TASP1: variants seen among roughly 807,000 people sequenced by gnomAD.
TASP1 encodes the protein taspase 1, also known as threonine aspartase 1.
TASP1 carries 16 observed loss-of-function variants against 56.6 expected under a neutral mutation model. The ratio of observed to expected loss-of-function variants is 0.28; its 90% confidence interval spans 0.19 to 0.43. The LOEUF is 0.43. Ranked by LOEUF, TASP1 falls within the 20% of genes least tolerant of loss-of-function variation. The pLI, the probability that TASP1 is intolerant of heterozygous loss-of-function variation, is 1.00. For synonymous variants in TASP1, 179 were observed against 184.2 expected, an observed-to-expected ratio of 0.97 and a Z score of 0.23; for missense variants, 393 against 511.6, an observed-to-expected ratio of 0.77 and a Z score of 2.24.
the TASP1 span, among the ~76,000 whole-genome samples, chr20:13,356,730 A>G: frequency 6.6e-6 from 1 of 152,180 alleles, no homozygotes; most frequent in South Asian, 2.1e-4. Flanking sequence ...CCACATTGAA[A>G]GGCCTGCCTT....
At chr20:13,565,003 T>A in intron 7 of TASP1, among the ~76,000 whole-genome samples, 1 of 124,224 alleles carries the variant, frequency 8.0e-6, no homozygotes, top group Admixed American at 8.9e-5. Context: ...TAAGACTCCA[T>A]CTCAAAAAAA....
At chr20:13,606,756 G>A (rs1056500651) in intron 4 of TASP1, among the ~76,000 whole-genome samples, 5 of 146,942 alleles carry the variant, frequency 3.4e-5, no homozygotes, top group Admixed American at 1.4e-4. Flanking sequence ...GCAGTGAGCC[G>A]AGATCACGCC....
chr20:13,473,192 A>G (rs954221086), intron 11 of TASP1, among the ~76,000 whole-genome samples: 1 of 152,182 alleles, frequency 6.6e-6, no homozygotes, highest in Non-Finnish European at 1.5e-5. Context: ...TTGTAGTGAC[A>G]TGGATGAAGC....
chr20:13,626,908 C>CG (rs978546532), intron 2 of TASP1, among the ~76,000 whole-genome samples: 231 of 124,136 alleles, frequency 1.9e-3, no homozygotes, highest in African/African-American at 5.7e-3. Flanking sequence ...GAGCCCCCCC[C>CG]CCACCCCGTA....
the TASP1 span, among the ~76,000 whole-genome samples, chr20:13,308,888 T>G: frequency 1.1e-4 from 16 of 152,108 alleles, no homozygotes; most frequent in Non-Finnish European, 7.4e-5. Context: ...TCTCTTGCCC[T>G]CTTTCCACCA....
the TASP1 span, among the ~76,000 whole-genome samples, chr20:13,146,639 G>C: frequency 6.6e-6 from 1 of 152,002 alleles, no homozygotes. Flanking sequence ...CTGTCTCATG[G>C]CACCTATTTT....
chr20:13,118,449 G>GAAA, the TASP1 span, among the ~76,000 whole-genome samples: 32 of 128,146 alleles, frequency 2.5e-4, no homozygotes, highest in African/African-American at 8.4e-4. Flanking sequence ...GAGGTTTGTG[G>GAAA]AAAAAAAAAA....
chr20:13,125,928 T>C, the TASP1 span, among the ~76,000 whole-genome samples: 3 of 152,250 alleles, frequency 2.0e-5, no homozygotes, highest in Non-Finnish European at 4.4e-5. Flanking sequence ...GTGAGAGAAT[T>C]ACAGCTATTT....
At chr20:13,594,139 C>T (rs1278366704) in intron 4 of TASP1, among the ~76,000 whole-genome samples, 1 of 152,202 alleles carries the variant, frequency 6.6e-6, no homozygotes, top group African/African-American at 2.4e-5. Context: ...AGGGACATGA[C>T]TGTTAGAAGG....
chr20:13,332,382 T>C, the TASP1 span, among the ~76,000 whole-genome samples: 1 of 152,204 alleles, frequency 6.6e-6, no homozygotes, highest in Non-Finnish European at 1.5e-5. Context: ...TATTTGCTAT[T>C]TAATGTTGCT....
At chr20:13,211,668 G>A in the TASP1 span, among the ~76,000 whole-genome samples, 12 of 152,074 alleles carry the variant, frequency 7.9e-5, no homozygotes, top group African/African-American at 2.7e-4. Context: ...CATAATGAGA[G>A]AGCCACATAG....
the TASP1 span, among the ~76,000 whole-genome samples, chr20:13,129,616 G>C: frequency 6.6e-6 from 1 of 152,172 alleles, no homozygotes; most frequent in East Asian, 1.9e-4. Flanking sequence ...CTCATTTCCG[G>C]AGTCCTTTGG....
chr20:13,375,051 G>A, the TASP1 span, among the ~76,000 whole-genome samples: 544 of 152,254 alleles, frequency 3.6e-3, 4 homozygotes, highest in Non-Finnish European at 5.6e-3. Flanking sequence ...TAATTGGGCT[G>A]GGGTAGTTTT....
the TASP1 span, chr20:13,239,673 A>G: frequency 6.6e-6 from 1 of 152,196 alleles, no homozygotes; most frequent in African/African-American, 2.4e-5. Context: ...CCTGCACTCC[A>G]TGGTGAGGCA....
chr20:13,503,804 C>T (rs1418058891), intron 10 of TASP1, among the ~76,000 whole-genome samples: 3 of 151,528 alleles, frequency 2.0e-5, no homozygotes, highest in Non-Finnish European at 4.4e-5. Flanking sequence ...CTGAAAAATA[C>T]AATCAATGAA....
chr20:13,604,188 T>C (rs549587743), intron 4 of TASP1, among the ~76,000 whole-genome samples: 3 of 152,326 alleles, frequency 2.0e-5, no homozygotes, highest in African/African-American at 7.2e-5. Flanking sequence ...TCTGGATGTT[T>C]TGTCTCCTTC....
At chr20:13,510,062 G>A (rs763753652) in intron 10 of TASP1, among the ~76,000 whole-genome samples, 17 of 151,816 alleles carry the variant, frequency 1.1e-4, no homozygotes, top group Non-Finnish European at 1.2e-4. Flanking sequence ...ACCTTTACGT[G>A]TACCCCTGAA....
intron 4 of TASP1, among the ~76,000 whole-genome samples, chr20:13,617,628 A>G (rs2048568120): frequency 1.3e-5 from 2 of 152,226 alleles, no homozygotes; most frequent in African/African-American, 4.8e-5. Context: ...TCTACAAAAA[A>G]TAAAAATGTA....
At chr20:13,393,446 C>A in intron 13 of TASP1, 1 of 783,322 alleles carries the variant, frequency 1.3e-6, no homozygotes, top group South Asian at 1.4e-5. Context: ...ATGATGATAT[C>A]AAGAAGGTGG....
Sources: allele counts gnomAD v4.1 joint callset (sites outside exome capture counted in the v4.1 genomes callset), GRCh38; gene constraint gnomAD v4.1.1; transcripts MANE v1.5; gene names NCBI Gene and HGNC (gene_info 2026-07-23, HGNC 2026-07-21).